The following ZKSCAN5 variants were observed in gnomAD, a reference collection of about 807,000 sequenced individuals.
ZKSCAN5 encodes zinc finger with KRAB and SCAN domains 5, also known as zinc finger protein with KRAB and SCAN domains 5.
A neutral mutation model predicts 60.0 loss-of-function variants in ZKSCAN5; 28 were observed. The ratio of observed to expected loss-of-function variants is 0.47; its 90% CI spans 0.35 to 0.64. ZKSCAN5 has a LOEUF of 0.64. ZKSCAN5 is among the 30% of genes least tolerant of loss of function. ZKSCAN5 has a pLI of 0.01. For synonymous variants in ZKSCAN5, 361 were observed against 371.2 expected (o/e 0.97, Z 0.31); for missense variants, 881 against 1,034.6 (o/e 0.85, Z 2.04).
At position 99,531,839 on chromosome 7, in the gene ZKSCAN5, G is replaced by A; in HGVS notation, c.2110G>A (p.Val704Met). The change falls in exon 7 of 7, where the codon GTG becomes ATG. Residue 704 changes from valine (V) to methionine (M), a missense_variant. Around this residue, in one of 5 missense-constraint regions of ZKSCAN5, gnomAD observed 112 missense variants for 182.4 expected, o/e 0.61. Coordinates refer to ENST00000326775, the MANE Select transcript of ZKSCAN5 (RefSeq NM_145102.4). The stretch of plus-strand genomic sequence containing the variant: ...GGAAGCATATAGTTGGAACTTGACA[G>A]TGATTGAAGACAAGAAGATTGAGTT... ...CEEAYSWNLT[V>M]IEDKKIELQE... 1 of 1,614,216 alleles carries A rather than the reference G, an allele frequency of 6.2e-7. No individual in the cohort carries two copies. The highest frequency in any genetic ancestry group is 1.1e-5 in the South Asian group (1 of 91,088).
At position 99,532,110 on chromosome 7, in the gene ZKSCAN5, T is replaced by A. The variant is rs1218049794; in HGVS notation, c.2381T>A (p.Ile794Asn). 3 of 1,614,172 alleles carry A rather than the reference T, an allele frequency of 1.9e-6. No individual in the cohort carries two copies. The highest frequency in any genetic ancestry group is 1.6e-4 in the Middle Eastern group (1 of 6,062). ...TCACATCTTAATCAACATCAGAGAA[T>A]CCATACTGGTGAGAAACCTTTTCAA... ...LKSHLNQHQR[I>N]HTGEKPFQCK... Residue 794 changes from isoleucine to asparagine, a missense_variant, in exon 7 of 7, where the codon ATC becomes AAC. Physicochemically the swap from Ile to Asn is moderately radical, Grantham distance 149. Transcript: ENST00000326775.
rs1300732633 is a variant in ZKSCAN5, at chr7:99,533,083, G to C, written c.*834G>C. 5.9e-5 allele frequency: 19 copies of C among 320,244 alleles called. No homozygotes were observed. In the Admixed American group the frequency reaches 6.2e-4, roughly 10 times the overall value. The allele number at this position is 320,244 out of a possible 1,614,324, so 19.8% of individuals were successfully genotyped here. ...GATCTTGTATTACCCACAGGAATGAGGGCAGCTAAACCCATAGAAGGAGTT... is the reference window on the plus strand; with the variant it reads ...GATCTTGTATTACCCACAGGAATGACGGCAGCTAAACCCATAGAAGGAGTT... On this transcript the variant is annotated 3_prime_UTR_variant, in exon 7 of 7. Transcript: ENST00000326775.
intron 2 of ZKSCAN5, among the ~76,000 whole-genome samples, chr7:99,509,721 C>T (rs1439340445): frequency 6.6e-6 from 1 of 152,186 alleles, no homozygotes; most frequent in Non-Finnish European, 1.5e-5. Flanking sequence ...CCACCTCGGC[C>T]TCCCAAAGTG....
intron 3 of ZKSCAN5, chr7:99,513,667 A>G: frequency 5.4e-6 from 1 of 184,982 alleles, no homozygotes; most frequent in South Asian, 6.3e-5. Flanking sequence ...TGCTGGCATT[A>G]GAGGTGTGAG....
At chr7:99,523,566 G>T (rs1383283155) in intron 5 of ZKSCAN5, among the ~76,000 whole-genome samples, 1 of 152,068 alleles carries the variant, frequency 6.6e-6, no homozygotes, top group Non-Finnish European at 1.5e-5. Flanking sequence ...TGATTGTGCT[G>T]CTGTGTTCCA....
At chr7:99,528,392 T>C (rs1301161549) in intron 6 of ZKSCAN5, among the ~76,000 whole-genome samples, 1 of 152,198 alleles carries the variant, frequency 6.6e-6, no homozygotes, top group East Asian at 1.9e-4. Context: ...TCCCAGTGAA[T>C]ACTCACTTGC....
chr7:99,525,940 T>C lies in ZKSCAN5; in HGVS notation c.900T>C (p.Ser300=). The C allele has an allele frequency of 6.2e-7, 1 of 1,614,080 alleles. No homozygotes were observed. The highest frequency in any genetic ancestry group is 8.5e-7 in the Non-Finnish European group (1 of 1,180,032). The change falls in exon 6 of 7, where the codon AGT becomes AGC. Residue 300 remains serine, a synonymous_variant. Transcript: ENST00000326775. The stretch of plus-strand genomic sequence containing the variant: ...AGGATCCAGACTTTGCAGAAGTCAG[T>C]GACCTTAAAGGCATGGTACAAAGGT... ...VPQDPDFAEV[S]DLKGMVQRWQ... is the part of the protein sequence containing the mutation.
At chr7:99,511,478 C>CT (rs1302839837) in intron 2 of ZKSCAN5, among the ~76,000 whole-genome samples, 4 of 152,140 alleles carry the variant, frequency 2.6e-5, no homozygotes, top group Non-Finnish European at 5.9e-5. Flanking sequence ...GGGTCTTGCT[C>CT]TGTCACCAAG....
intron 6 of ZKSCAN5, among the ~76,000 whole-genome samples, chr7:99,530,034 CTT>C (rs34431974): frequency 6.7e-5 from 7 of 105,128 alleles, no homozygotes; most frequent in Admixed American, 1.1e-4. Context: ...TGCACCCGGC[CTT>C]TTTTTTTTTT....
chr7:99,531,104 T>C lies in ZKSCAN5; in HGVS notation c.1379-4T>C. On this transcript the variant is annotated splice_region_variant and splice_polypyrimidine_tract_variant and intron_variant, in intron 6 of 6. Coordinates refer to ENST00000326775, the MANE Select transcript of ZKSCAN5 (RefSeq NM_145102.4). The stretch of plus-strand genomic sequence containing the variant: ...CATTTTCACTTGCTCTTTATTTTTT[T>C]TAGGCAGTGACAAAAGAAGTAAGAA... 1 of 1,569,716 alleles carries C rather than the reference T, an allele frequency of 6.4e-7. No homozygotes were observed. The highest frequency in any genetic ancestry group is 8.6e-7 in the Non-Finnish European group (1 of 1,164,794).
Position 99,506,895 on chromosome 7 carries a change from A to G in ZKSCAN5, c.414+437A>G, listed in dbSNP as rs1584160877. Among the ~76,000 whole-genome samples the G allele has an allele frequency of 3.5e-5, 5 of 140,914 alleles. No individual in the cohort carries two copies. In the South Asian group the frequency reaches 1.1e-3, roughly 31 times the overall value. The allele number at this position is 140,914 out of a possible 152,430, so 92.4% of individuals were successfully genotyped here. A position where few individuals can be genotyped will look rare whatever the true frequency, so the allele number is the denominator to read the frequency against. On this transcript the variant is annotated intron_variant, in intron 2 of 6. Coordinates refer to ENST00000326775, the MANE Select transcript of ZKSCAN5 (RefSeq NM_145102.4). The stretch of plus-strand genomic sequence containing the variant: ...GTATTTTTAGTAGAGACGGGGTTTC[A>G]CCGTGTTAGCCAGGATGGTCTCGAT...
Position 99,534,396 on chromosome 7 carries a change from C to T in ZKSCAN5, c.*2147C>T, listed in dbSNP as rs1302718149. 1 of 152,134 alleles carries T rather than the reference C, an allele frequency of 6.6e-6. No homozygotes were observed. Among genetic ancestry groups the T allele is most frequent in the East Asian group, 1.9e-4 (1 of 5,182 alleles). The allele number at this position is 152,134 out of a possible 1,614,324, so 9.4% of individuals were successfully genotyped here. On this transcript the variant is annotated 3_prime_UTR_variant, in exon 7 of 7. Transcript: ENST00000326775. ...CTAATTTTTAAAAAACATACTTTAG[C>T]TGGGCGCGGTGGCTCATGCCTATAA...
At position 99,531,794 on chromosome 7, in the gene ZKSCAN5, G is replaced by GA. The variant is rs556762260; in HGVS notation, c.2072dup (p.Asn691LysfsTer5). 79 of 1,613,914 alleles carry GA rather than the reference G, an allele frequency of 4.9e-5. No individual in the cohort carries two copies. The highest frequency in any genetic ancestry group is 6.5e-5 in the Non-Finnish European group (77 of 1,179,936). On this transcript the variant is annotated frameshift_variant, in exon 7 of 7. Transcript: ENST00000326775. LOFTEE classifies it low-confidence loss of function (END_TRUNC). ...GGTGCTCCACATGGGTCAGAAAAATGAAAAAAATGGCATCTGTGAGGAAGC... is the reference window on the plus strand; with the variant it reads ...GGTGCTCCACATGGGTCAGAAAAATGAAAAAAAATGGCATCTGTGAGGAAGC...
rs1219923182 is a variant in ZKSCAN5 at position 99,526,338 on chromosome 7, A to G, written c.1298A>G (p.Asn433Ser). The G allele has an allele frequency of 5.6e-6, 9 of 1,608,936 alleles. No individual in the cohort carries two copies. Among genetic ancestry groups the G allele is most frequent in the Non-Finnish European group, 7.6e-6 (9 of 1,180,010 alleles). Residue 433 changes from asparagine (N) to serine (S), a missense_variant, in exon 6 of 7, where the codon AAT becomes AGT. Transcript: ENST00000326775. ...VHSGERPYGC[N>S]ECGKNFGRHS... ...AGCGGAGAGAGGCCCTATGGCTGCA[A>G]TGAGTGTGGGAAGAACTTCGGTCGC...
At position 99,531,208 on chromosome 7, in the gene ZKSCAN5, T is replaced by C. The variant is rs1343483659; in HGVS notation, c.1479T>C (p.Asn493=). 14 of 1,613,994 alleles carry C rather than the reference T, an allele frequency of 8.7e-6. No individual in the cohort carries two copies. The highest frequency in any genetic ancestry group is 1.1e-5 in the Non-Finnish European group (13 of 1,179,998). Residue 493 remains asparagine (N), a synonymous_variant, in exon 7 of 7, where the codon AAT becomes AAC. Transcript: ENST00000326775. ...DMELSGKTQR[N]VSQVQDFGEG... is the part of the protein sequence containing the mutation. ...AACTATCTGGAAAAACCCAAAGAAA[T>C]GTTTCTCAAGTTCAAGATTTTGGAG...
intron 5 of ZKSCAN5, among the ~76,000 whole-genome samples, chr7:99,520,995 C>T (rs1001947234): frequency 3.3e-5 from 5 of 152,068 alleles, no homozygotes; most frequent in African/African-American, 1.2e-4. Context: ...TTTTCTGGCC[C>T]TATTTCTAAC....
rs146264361 is a variant in ZKSCAN5, at chr7:99,515,274, G to A, written c.553+2683G>A. On this transcript the variant is annotated intron_variant, in intron 3 of 6. Transcript: ENST00000326775. ...ATGCAACAATTATCCAGGCGTGGTG[G>A]TACATGCCTGTAATCCCAGCTACTT... Among the ~76,000 whole-genome samples, 157 of 151,780 alleles carry A rather than the reference G, an allele frequency of 1.0e-3. 1 individual carries two copies. The East Asian group carries it at 0.018, about 17-fold the overall frequency.
chr7:99,532,037 A>C lies in ZKSCAN5; in HGVS notation c.2308A>C (p.Thr770Pro), dbSNP rs755432403. The C allele has an allele frequency of 1.7e-5, 28 of 1,614,214 alleles. No individual in the cohort carries two copies. The highest frequency in any genetic ancestry group is 2.3e-5 in the Non-Finnish European group (27 of 1,180,036). Reference sequence around the variant, plus strand: ...ACAACATCAAAAAATCTACTCCAGCACAAAATCCCATCAATGTCATGAATG... The same window carrying C: ...ACAACATCAAAAAATCTACTCCAGCCCAAAATCCCATCAATGTCATGAATG... ...TKQHQKIYSS[T>P]KSHQCHECGR... Residue 770 changes from threonine (T) to proline (P), a missense_variant, in exon 7 of 7, where the codon ACA becomes CCA. Around this residue, in one of 5 missense-constraint regions of ZKSCAN5, gnomAD observed 138 missense variants for 143.8 expected, o/e 0.96. Coordinates refer to ENST00000326775, the MANE Select transcript of ZKSCAN5 (RefSeq NM_145102.4).
intron 2 of ZKSCAN5, among the ~76,000 whole-genome samples, chr7:99,509,341 C>T (rs1254816812): frequency 2.6e-5 from 4 of 152,122 alleles, no homozygotes; most frequent in Non-Finnish European, 5.9e-5. Flanking sequence ...CCAGGATGTT[C>T]TCAAACTCCT....
Sources: gnomAD v4.1 joint callset for allele counts (sites outside exome capture counted in the v4.1 genomes callset) on GRCh38, gnomAD v4.1.1 for gene constraint, gnomAD v4.1.1 regional missense constraint, MANE v1.5 for transcripts, NCBI Gene and HGNC (gene_info 2026-07-23, HGNC 2026-07-21) for gene names.